Variants in CORO2A observed in about 807,000 individuals in gnomAD.
The protein encoded by CORO2A is coronin 2A, also known as coronin-2A.
In CORO2A, 47 loss-of-function variants were observed where a neutral mutation model predicts 62.4. The observed-to-expected ratio is 0.75, with a 90% CI of 0.60 to 0.96. CORO2A has a LOEUF of 0.96. CORO2A is among the 40% of genes least tolerant of loss of function. The probability of loss-of-function intolerance (pLI) is 0.00; values close to 1 mark genes in which losing one functional copy is unlikely to be tolerated. For synonymous variants in CORO2A, 273 were observed against 268.9 expected (o/e 1.02, Z -0.15); for missense variants, 610 against 684.1 (o/e 0.89, Z 1.21).
intron 7 of CORO2A, 43 bp downstream of exon 7, chr9:98,130,912 C>G: frequency 6.5e-7 from 1 of 1,531,410 alleles, no homozygotes; most frequent in Non-Finnish European, 9.0e-7. Context: ...CTGCCGCTGT[C>G]TCAGGGGTCC....
intron 11 of CORO2A, 126 bp downstream of exon 11, chr9:98,126,423 A>G: frequency 7.8e-7 from 1 of 1,284,352 alleles, no homozygotes; most frequent in Non-Finnish European, 1.1e-6. Context: ...GAGTCAAGTG[A>G]CTAGGCCAGG....
intron 1 of CORO2A, among the ~76,000 whole-genome samples, chr9:98,171,163 G>C (rs953283363): frequency 1.3e-5 from 2 of 152,202 alleles, no homozygotes; most frequent in African/African-American, 4.8e-5. Context: ...CTCACTGTCC[G>C]CTTTCTGGCA....
At position 98,137,638 on chromosome 9, in the gene CORO2A, G is replaced by A. The variant is rs373924781; in HGVS notation, c.252C>T (p.Asn84=). The A allele has an allele frequency of 2.0e-5, 33 of 1,614,096 alleles. No homozygotes were observed. The highest frequency in any genetic ancestry group is 4.5e-5 in the East Asian group (2 of 44,902). Residue 84 remains asparagine (N), a synonymous_variant, in exon 3 of 12, where the codon AAC becomes AAT. Transcript: ENST00000375077. The stretch of plus-strand genomic sequence containing the variant: ...AAGGGTTCCACTTGACATCCAAAAC[G>A]TTGCCTCTGTGCCCGCAGACTTTTG... ...HYPKVCGHRG[N]VLDVKWNPFD...
chr9:98,177,628 G>A (rs963087641), intron 1 of CORO2A, among the ~76,000 whole-genome samples: 3 of 151,404 alleles, frequency 2.0e-5, no homozygotes, highest in Non-Finnish European at 4.4e-5. Context: ...CACCACACCC[G>A]GCAAATTTTT....
chr9:98,126,938 A>G, intron 10 of CORO2A, 115 bp from the exon 11 acceptor site: 1 of 1,177,078 alleles, frequency 8.5e-7, no homozygotes, highest in South Asian at 1.3e-5. Context: ...AGACCCATGC[A>G]ACATGTGTGG....
At chr9:98,158,176 C>G (rs188718254) in intron 1 of CORO2A, among the ~76,000 whole-genome samples, 3 of 152,262 alleles carry the variant, frequency 2.0e-5, no homozygotes, top group Admixed American at 2.0e-4. Flanking sequence ...CTAGGCATGG[C>G]AGCTCATGCC....
chr9:98,169,242 C>T (rs1022062759), intron 1 of CORO2A, among the ~76,000 whole-genome samples: 1 of 152,224 alleles, frequency 6.6e-6, no homozygotes, highest in East Asian at 1.9e-4. Context: ...AGCACAGATG[C>T]ATCTCTGCAG....
At chr9:98,161,508 C>T (rs749078665) in intron 1 of CORO2A, among the ~76,000 whole-genome samples, 12 of 152,180 alleles carry the variant, frequency 7.9e-5, no homozygotes, top group East Asian at 1.9e-4. Flanking sequence ...GAGCCAAGAT[C>T]GCACCACTGC....
At chr9:98,151,562 T>TGAAAA (rs1250273275) in intron 2 of CORO2A, among the ~76,000 whole-genome samples, 2 of 152,260 alleles carry the variant, frequency 1.3e-5, no homozygotes, top group Non-Finnish European at 2.9e-5. Flanking sequence ...TTCTAATAAT[T>TGAAAA]TGACTACATG....
intron 4 of CORO2A, among the ~76,000 whole-genome samples, chr9:98,133,955 C>G (rs1161967358): frequency 6.6e-6 from 1 of 151,628 alleles, no homozygotes; most frequent in Non-Finnish European, 1.5e-5. Flanking sequence ...TGGGGTCTCA[C>G]TATGTTGGCT....
intron 1 of CORO2A, among the ~76,000 whole-genome samples, chr9:98,161,333 C>A (rs570573731): frequency 1.3e-5 from 2 of 152,232 alleles, no homozygotes; most frequent in East Asian, 3.9e-4. Flanking sequence ...GTGGGGGGAT[C>A]ACTTGAGGTC....
intron 2 of CORO2A, among the ~76,000 whole-genome samples, chr9:98,140,924 A>G (rs1426415057): frequency 6.6e-6 from 1 of 152,224 alleles, no homozygotes. Flanking sequence ...AATCTAAACA[A>G]GAACGGTAGA....
chr9:98,134,967 G>A lies in CORO2A; in HGVS notation c.319-12C>T, dbSNP rs1426218761. On this transcript the variant is annotated splice_polypyrimidine_tract_variant and intron_variant, in intron 3 of 11. Transcript: ENST00000375077. ...CTCCAGATCTTAATCTGGCAGGGGA[G>A]ACAGGGCCCAAGGCAGCATTAGCCA... 1 of 1,613,440 alleles carries A rather than the reference G, an allele frequency of 6.2e-7. No homozygotes were observed. Among genetic ancestry groups the A allele is most frequent in the African/African-American group, 1.3e-5 (1 of 75,030 alleles).
In CORO2A at chr9:98,131,108, C is replaced by T. The variant is rs41274270; in HGVS notation, c.766-49G>A. 2,340 of 1,246,542 alleles carry T rather than the reference C, an allele frequency of 1.9e-3. 4 individuals carry two copies. Among genetic ancestry groups the T allele is most frequent in the Non-Finnish European group, 1.8e-3 (1,597 of 864,962 alleles). 77.2% of individuals were successfully genotyped at this position (1,246,542 alleles called of 1,614,324 possible). Reference sequence around the variant, plus strand: ...AAGGCCTGGGTCACTCCTGGGGGCCCTCAGTGGTGCTCCCGGAGATAAGAA... The same window carrying T: ...AAGGCCTGGGTCACTCCTGGGGGCCTTCAGTGGTGCTCCCGGAGATAAGAA... On this transcript the variant is annotated intron_variant, in intron 6 of 11. Coordinates refer to ENST00000375077, the MANE Select transcript of CORO2A (RefSeq NM_052820.4).
Position 98,124,767 on chromosome 9 carries a change from T to G in CORO2A, c.*7A>C, listed in dbSNP as rs780749628. 6.2e-7 allele frequency: 1 copy of G among 1,606,656 alleles called. No homozygotes were observed. Among genetic ancestry groups the G allele is most frequent in the African/African-American group, 1.3e-5 (1 of 74,872 alleles). ...TCCCTGAGGGTGAGGAGGGCAGAGG[T>G]CTCTGCTCAGAGCTGCTCTGAGCCC... On this transcript the variant is annotated 3_prime_UTR_variant, in exon 12 of 12. Coordinates refer to ENST00000375077, the MANE Select transcript of CORO2A (RefSeq NM_052820.4).
Position 98,133,016 on chromosome 9 carries a change from C to T in CORO2A, c.648+22G>A, listed in dbSNP as rs149077443. 268 of 1,613,298 alleles carry T rather than the reference C, an allele frequency of 1.7e-4. 1 individual carries two copies. In the African/African-American group the frequency reaches 3.2e-3, roughly 19 times the overall value. On this transcript the variant is annotated intron_variant, in intron 5 of 11. Transcript: ENST00000375077. ...GCTCCTTGCTCCTCTGAGCCTGAGC[C>T]AGCCCCTGGCCCAGAACTGACCTGG... is the stretch of plus-strand genomic sequence containing the variant.
chr9:98,151,814 ATTT>A (rs747501901), intron 2 of CORO2A, among the ~76,000 whole-genome samples: 2 of 115,434 alleles, frequency 1.7e-5, no homozygotes, highest in African/African-American at 3.3e-5. Context: ...TGCCCGGCTA[ATTT>A]TTTTTTTTTT....
At chr9:98,154,156 C>G (rs1440906122) in intron 2 of CORO2A, among the ~76,000 whole-genome samples, 3 of 151,024 alleles carry the variant, frequency 2.0e-5, no homozygotes, top group African/African-American at 7.4e-5. Flanking sequence ...TTCTGTCCTC[C>G]TTGTCTGGTT....
At chr9:98,154,761 G>C (rs1827780573) in intron 2 of CORO2A, among the ~76,000 whole-genome samples, 1 of 152,130 alleles carries the variant, frequency 6.6e-6, no homozygotes, top group Non-Finnish European at 1.5e-5. Context: ...CCATGTTGTT[G>C]TATATAACTA....
Sources: allele counts gnomAD v4.1 joint callset (sites outside exome capture counted in the v4.1 genomes callset), GRCh38; gene constraint gnomAD v4.1.1; transcripts MANE v1.5; gene names NCBI Gene and HGNC (gene_info 2026-07-23, HGNC 2026-07-21).